ANKS1A: variants seen among roughly 807,000 people sequenced by gnomAD.
ANKS1A encodes the protein ankyrin repeat and sterile alpha motif domain containing 1A, also known as ankyrin repeat and SAM domain-containing protein 1A.
A neutral mutation model predicts 120.3 loss-of-function variants in ANKS1A; 55 were observed. The observed-to-expected ratio is 0.46, with a 90% confidence interval of 0.37 to 0.57. ANKS1A has a LOEUF of 0.57. ANKS1A is among the 20% of genes least tolerant of loss of function. ANKS1A has a pLI of 0.00. For missense variants in ANKS1A, 1,123 were observed against 1,480.3 expected (o/e 0.76, Z 3.96); for synonymous variants, 590 against 604.7 (o/e 0.98, Z 0.36).
Position 35,082,882 on chromosome 6 carries a change from C to T in ANKS1A, c.2835+66C>T. ...CTCCTTCTCGGCCAGGCACCTGCGGCCAAGTCCCAGCAGGGACTCCACAAA... is the reference window on the plus strand; with the variant it reads ...CTCCTTCTCGGCCAGGCACCTGCGGTCAAGTCCCAGCAGGGACTCCACAAA... On this transcript the variant is annotated intron_variant, in intron 18 of 23. Coordinates refer to ENST00000360359, the MANE Select transcript of ANKS1A (RefSeq NM_015245.3). This position sits in a 1 kb window ranked among gnomAD's most constrained non-coding sequence, Gnocchi z 4.1. 1 of 1,570,814 alleles carries T rather than the reference C, an allele frequency of 6.4e-7. No individual in the cohort carries two copies.
At position 34,982,630 on chromosome 6, in the gene ANKS1A, CAG is replaced by C. The variant is rs1293961556; in HGVS notation, c.733-119_733-118del. ...ACAAGAAAAGCTGGAAAGATAATGA[CAG>C]AGGGCTTTGTGTAGTTTGTTTTATT... On this transcript the variant is annotated intron_variant, in intron 4 of 23. Coordinates refer to ENST00000360359, the MANE Select transcript of ANKS1A (RefSeq NM_015245.3). This position sits in a 1 kb window ranked among gnomAD's most constrained non-coding sequence, Gnocchi z 4.9. 1 of 986,344 alleles carries C rather than the reference CAG, an allele frequency of 1.0e-6. No individual in the cohort carries two copies. The highest frequency in any genetic ancestry group is 2.6e-5 in the East Asian group (1 of 39,206). The allele number at this position is 986,344 out of a possible 1,614,324, so 61.1% of individuals were successfully genotyped here.
intron 1 of ANKS1A, among the ~76,000 whole-genome samples, chr6:34,894,036 AC>A (rs1251689597): frequency 3.9e-5 from 6 of 152,234 alleles, no homozygotes; most frequent in Non-Finnish European, 8.8e-5. Flanking sequence ...GTCTAGGCTT[AC>A]AGAGGCTCTG....
chr6:35,042,599 A>G (rs1775518574), intron 11 of ANKS1A, among the ~76,000 whole-genome samples: 1 of 152,206 alleles, frequency 6.6e-6, no homozygotes, highest in Admixed American at 6.5e-5. Context: ...GCAGGTTTGC[A>G]TCAGTGTGGT....
chr6:34,956,873 G>A (rs1206906404), intron 1 of ANKS1A, among the ~76,000 whole-genome samples: 1 of 152,130 alleles, frequency 6.6e-6, no homozygotes, highest in African/African-American at 2.4e-5. Flanking sequence ...ATAGTCCCTG[G>A]CTGTCCTGGA....
chr6:34,931,393 C>T (rs1053068610), intron 1 of ANKS1A, among the ~76,000 whole-genome samples: 1 of 152,128 alleles, frequency 6.6e-6, no homozygotes, highest in Non-Finnish European at 1.5e-5. Context: ...GGTGATCCAC[C>T]CACCTTGACC....
At chr6:35,025,003 C>G (rs919673462) in intron 11 of ANKS1A, among the ~76,000 whole-genome samples, 3 of 152,090 alleles carry the variant, frequency 2.0e-5, no homozygotes, top group African/African-American at 7.2e-5. Context: ...TGTGACACTC[C>G]TACCTCTGGG....
intron 1 of ANKS1A, among the ~76,000 whole-genome samples, chr6:34,927,025 A>C (rs1768751725): frequency 6.6e-6 from 1 of 152,208 alleles, no homozygotes; most frequent in Admixed American, 6.5e-5. Context: ...TCTGTGCCTC[A>C]GTTTGTCCAT....
intron 1 of ANKS1A, among the ~76,000 whole-genome samples, chr6:34,929,740 T>C (rs1768885103): frequency 6.6e-6 from 1 of 151,816 alleles, no homozygotes; most frequent in African/African-American, 2.4e-5. Flanking sequence ...TTCCTTCTCT[T>C]TCTTTCTTTC....
At chr6:34,962,181 G>T (rs1581754485) in intron 1 of ANKS1A, among the ~76,000 whole-genome samples, 1 of 152,170 alleles carries the variant, frequency 6.6e-6, no homozygotes, top group African/African-American at 2.4e-5. Flanking sequence ...GTGTTAAAGA[G>T]ATTTAATTGC....
intron 10 of ANKS1A, among the ~76,000 whole-genome samples, chr6:35,009,556 A>G (rs1773631648): frequency 6.6e-6 from 1 of 152,140 alleles, no homozygotes; most frequent in Non-Finnish European, 1.5e-5. Context: ...AGAGATGTGA[A>G]GGTTAGAAAT....
At chr6:34,912,754 AG>A (rs3839631) in intron 1 of ANKS1A, among the ~76,000 whole-genome samples, 11,092 of 152,276 alleles carry the variant, frequency 0.073, 608 homozygotes, top group East Asian at 0.23. Context: ...GTCATTGAAA[AG>A]AAAATGATAC....
At chr6:34,919,552 A>T (rs903720664) in intron 1 of ANKS1A, among the ~76,000 whole-genome samples, 2 of 152,198 alleles carry the variant, frequency 1.3e-5, no homozygotes, top group African/African-American at 4.8e-5. Context: ...CCCATGCTTC[A>T]ATCTTTAACA....
intron 7 of ANKS1A, 92 bp from the exon 8 acceptor site, chr6:34,984,990 G>C: frequency 1.6e-6 from 2 of 1,215,048 alleles, no homozygotes; most frequent in Non-Finnish European, 2.3e-6. Context: ...TGTGAGCGCG[G>C]GTGACTAAAG....
chr6:35,054,360 C>T (rs1318790175), intron 12 of ANKS1A, among the ~76,000 whole-genome samples, 195 bp downstream of exon 12: 1 of 152,164 alleles, frequency 6.6e-6, no homozygotes, highest in East Asian at 1.9e-4. Flanking sequence ...GCCATGACTC[C>T]TTTTACATAT....
At chr6:35,035,422 T>G (rs1300042630) in intron 11 of ANKS1A, among the ~76,000 whole-genome samples, 1 of 152,224 alleles carries the variant, frequency 6.6e-6, no homozygotes, top group Admixed American at 6.5e-5. Flanking sequence ...ACACTTCTAT[T>G]TATATCTTAA....
intron 10 of ANKS1A, among the ~76,000 whole-genome samples, chr6:35,003,448 T>C (rs1482467115): frequency 6.6e-6 from 1 of 152,024 alleles, no homozygotes; most frequent in Non-Finnish European, 1.5e-5. Flanking sequence ...AATTACTGTC[T>C]ACACATAGAT....
intron 10 of ANKS1A, among the ~76,000 whole-genome samples, chr6:35,014,830 A>G (rs924982210): frequency 4.6e-5 from 7 of 152,232 alleles, no homozygotes; most frequent in Admixed American, 6.5e-5. Context: ...GTCGGCTATT[A>G]GAATGTGGTC....
Position 34,889,513 on chromosome 6 carries a change from C to T in ANKS1A, c.111C>T (p.Gly37=), listed in dbSNP as rs1436081264. ...CCTCAGGCTTTGGGGGCGGCGGCGG[C>T]GGTGGCTCTGGGGGCGGCGGCGGCG... ...RLSSGFGGGG[G]GGSGGGGGGS... is the part of the protein sequence containing the mutation. Residue 37 remains glycine, a synonymous_variant, in exon 1 of 24, where the codon GGC becomes GGT. Transcript: ENST00000360359. The surrounding 1 kb of genome is among the most constrained non-coding windows in gnomAD (Gnocchi z 5.5). 9 of 1,271,598 alleles carry T rather than the reference C, an allele frequency of 7.1e-6. No individual in the cohort carries two copies. Among genetic ancestry groups the T allele is most frequent in the South Asian group, 7.1e-5 (2 of 28,008 alleles). The allele number at this position is 1,271,598 out of a possible 1,614,324, so 78.8% of individuals were successfully genotyped here. A position where few individuals can be genotyped will look rare whatever the true frequency, so the allele number is the denominator to read the frequency against.
intron 1 of ANKS1A, among the ~76,000 whole-genome samples, chr6:34,932,666 T>G (rs572595481): frequency 1.2e-4 from 19 of 152,246 alleles, no homozygotes; most frequent in Non-Finnish European, 2.8e-4. Context: ...ATTACAGGCA[T>G]GAGCCACCAT....
Sources: allele counts gnomAD v4.1 joint callset (sites outside exome capture counted in the v4.1 genomes callset), GRCh38; gene constraint gnomAD v4.1.1; non-coding constraint Gnocchi (gnomAD v3.1); transcripts MANE v1.5; gene names NCBI Gene and HGNC (gene_info 2026-07-23, HGNC 2026-07-21).